Variants in SLC27A4 observed in about 807,000 individuals in gnomAD.
SLC27A4 encodes the protein long-chain fatty acid transport protein 4.
SLC27A4 carries 33 observed loss-of-function variants against 64.4 expected under a neutral mutation model. That is an observed-to-expected ratio of 0.51 (90% CI 0.39 to 0.68). The LOEUF (loss-of-function observed/expected upper bound fraction) is 0.68. SLC27A4 is among the 30% of genes least tolerant of loss of function. The probability of loss-of-function intolerance (pLI) is 0.00; values close to 1 mark genes in which losing one functional copy is unlikely to be tolerated. For synonymous variants in SLC27A4, 377 were observed against 370.0 expected (o/e 1.02, Z -0.22); for missense variants, 824 against 883.5 (o/e 0.93, Z 0.85).
Position 128,355,125 on chromosome 9 carries a change from A to G in SLC27A4, c.1397A>G (p.Gln466Arg). The change falls in exon 10 of 13, where the codon CAG (glutamine) becomes CGG (arginine). Residue 466 changes from glutamine to arginine, a missense_variant. Physicochemically the swap from Gln to Arg is conservative, Grantham distance 43. Coordinates refer to ENST00000300456, the MANE Select transcript of SLC27A4 (RefSeq NM_005094.4). ...PLRRFDGYLNQGANNKKIAKD... is the reference protein window; with the variant it reads ...PLRRFDGYLNRGANNKKIAKD... ...CGCCGCTTCGATGGCTACCTCAACC[A>G]GGGCGCCAACAACAAGAAGATTGCC... 6.2e-7 allele frequency: 1 copy of G among 1,613,684 alleles called. No homozygotes were observed. The highest frequency in any genetic ancestry group is 2.2e-5 in the East Asian group (1 of 44,870).
At chr9:128,344,431 A>C (rs896083005) in intron 2 of SLC27A4, among the ~76,000 whole-genome samples, 1 of 152,140 alleles carries the variant, frequency 6.6e-6, no homozygotes. Context: ...AGGTGGGAGC[A>C]TCATTTGAGC....
At chr9:128,343,872 G>A (rs933622884) in intron 2 of SLC27A4, among the ~76,000 whole-genome samples, 1 of 152,232 alleles carries the variant, frequency 6.6e-6, no homozygotes, top group Non-Finnish European at 1.5e-5. Flanking sequence ...GCTCAGATTG[G>A]TCAGGAGAAA....
intron 6 of SLC27A4, among the ~76,000 whole-genome samples, chr9:128,351,296 G>A (rs913847416): frequency 4.0e-5 from 6 of 148,254 alleles, no homozygotes; most frequent in Non-Finnish European, 8.9e-5. Flanking sequence ...GTCTGGTGGC[G>A]TGTGCCTGTA....
At position 128,353,103 on chromosome 9, in the gene SLC27A4, C is replaced by T. The variant is rs902732348; in HGVS notation, c.1066C>T (p.Arg356Cys). Reference protein sequence around the residue: ...PREAENQHQVRMALGNGLRQS... With the variant: ...PREAENQHQVCMALGNGLRQS... ...GGAGGCAGAAAACCAGCACCAGGTT[C>T]GCATGGCACTAGGCAATGGCCTCCG... is the stretch of plus-strand genomic sequence containing the variant. Residue 356 changes from arginine to cysteine, a missense_variant, in exon 8 of 13, where the codon CGC becomes TGC. Physicochemically the swap from Arg to Cys is radical, Grantham distance 180. Transcript: ENST00000300456. This position sits in a 1 kb window ranked among gnomAD's most constrained non-coding sequence, Gnocchi z 4.9. The T allele has an allele frequency of 6.2e-6, 10 of 1,614,062 alleles. No homozygotes were observed. The highest frequency in any genetic ancestry group is 2.2e-5 in the East Asian group (1 of 44,898).
chr9:128,355,984 C>T (rs1832815098), intron 12 of SLC27A4, among the ~76,000 whole-genome samples, 188 bp downstream of exon 12: 2 of 152,158 alleles, frequency 1.3e-5, no homozygotes. Flanking sequence ...TAGTAGAACA[C>T]ATATTAGGTG....
rs1229542605 is a variant in SLC27A4 at position 128,345,572 on chromosome 9, A to T, written c.556+23A>T. On this transcript the variant is annotated intron_variant, in intron 3 of 12. Coordinates refer to ENST00000300456, the MANE Select transcript of SLC27A4 (RefSeq NM_005094.4). The surrounding 1 kb of genome is among the most constrained non-coding windows in gnomAD (Gnocchi z 4.1). ...CAGGTGAGCCCCAAGGGGGCGGGGG[A>T]CAAGCAGGAACCCCATGGGATCTTA... 6.3e-7 allele frequency: 1 copy of T among 1,585,090 alleles called. No homozygotes were observed. The highest frequency in any genetic ancestry group is 1.1e-5 in the South Asian group (1 of 88,062).
chr9:128,343,289 A>G lies in SLC27A4; in HGVS notation c.157A>G (p.Ile53Val), dbSNP rs376918908. ...RVFIKTIRRD[I>V]FGGLVLLKVK... ...CTTCATCAAGACCATCAGGCGCGAT[A>G]TCTTGTGAGTACCTGGCCCAGCCTT... is the stretch of plus-strand genomic sequence containing the variant. Residue 53 changes from isoleucine to valine, a missense_variant, in exon 2 of 13, where the codon ATC becomes GTC. Ile to Val is a conservative substitution (Grantham distance 29). Coordinates refer to ENST00000300456, the MANE Select transcript of SLC27A4 (RefSeq NM_005094.4). The G allele has an allele frequency of 7.4e-6, 12 of 1,613,998 alleles. No individual in the cohort carries two copies. The highest frequency in any genetic ancestry group is 1.0e-5 in the Non-Finnish European group (12 of 1,180,028).
intron 9 of SLC27A4, among the ~76,000 whole-genome samples, chr9:128,354,656 A>G (rs760642780): frequency 1.8e-4 from 27 of 152,022 alleles, no homozygotes; most frequent in Non-Finnish European, 2.4e-4. Context: ...AGATCAAGAC[A>G]CAGAGTACAG....
chr9:128,357,908 C>G (rs536750245), intron 12 of SLC27A4, among the ~76,000 whole-genome samples: 3 of 152,270 alleles, frequency 2.0e-5, no homozygotes, highest in African/African-American at 7.2e-5. Flanking sequence ...TTTAGGACTT[C>G]AGTGTGGTTC....
At chr9:128,347,599 C>G (rs573429192) in intron 3 of SLC27A4, among the ~76,000 whole-genome samples, 1 of 151,464 alleles carries the variant, frequency 6.6e-6, no homozygotes, top group Non-Finnish European at 1.5e-5. Flanking sequence ...TGGTGGCACA[C>G]GCCTGTAATC....
Position 128,353,548 on chromosome 9 carries a change from C to T in SLC27A4, c.1324+7C>T. On this transcript the variant is annotated splice_region_variant and intron_variant, in intron 9 of 12. Transcript: ENST00000300456. This position sits in a 1 kb window ranked among gnomAD's most constrained non-coding sequence, Gnocchi z 4.9. ...TGCATTCCCTGCCAGCCAGGTCTGC[C>T]ACTTCGGGGTCAGAGAGGGAGGGGT... 6.2e-7 allele frequency: 1 copy of T among 1,613,700 alleles called. No homozygotes were observed. The highest frequency in any genetic ancestry group is 2.2e-5 in the East Asian group (1 of 44,862).
chr9:128,342,484 A>C, intron 1 of SLC27A4: 2 of 1,336,802 alleles, frequency 1.5e-6, no homozygotes, highest in Non-Finnish European at 2.1e-6. Flanking sequence ...TTAAATGACT[A>C]TGCTGCCCCT....
At chr9:128,342,193 T>G in intron 1 of SLC27A4, 2 of 1,550,002 alleles carry the variant, frequency 1.3e-6, no homozygotes, top group Non-Finnish European at 8.9e-7. Flanking sequence ...CAGACTTCGC[T>G]CGTTCTCGCA....
chr9:128,358,272 T>G (rs959895948), intron 12 of SLC27A4, among the ~76,000 whole-genome samples: 1 of 152,328 alleles, frequency 6.6e-6, no homozygotes, highest in Admixed American at 6.5e-5. Flanking sequence ...TCTGCAGCAC[T>G]GTCCAACAGA....
chr9:128,346,632 G>T (rs1832661321), intron 3 of SLC27A4, among the ~76,000 whole-genome samples: 2 of 152,152 alleles, frequency 1.3e-5, no homozygotes, highest in East Asian at 3.9e-4. Flanking sequence ...AGACTAAGAG[G>T]TTGAGGCTGC....
At chr9:128,355,873 T>A in intron 12 of SLC27A4, 77 bp downstream of exon 12, 2 of 1,589,788 alleles carry the variant, frequency 1.3e-6, no homozygotes, top group Non-Finnish European at 1.7e-6. Flanking sequence ...GGTTGGCTGT[T>A]ACTTGACCTC....
intron 3 of SLC27A4, 152 bp from the exon 4 acceptor site, chr9:128,348,393 G>A: frequency 1.1e-6 from 1 of 874,656 alleles, no homozygotes; most frequent in Non-Finnish European, 1.9e-6. Context: ...CATTGCCGGT[G>A]CCCCTGTCAA....
intron 12 of SLC27A4, among the ~76,000 whole-genome samples, chr9:128,358,907 T>C (rs1269504436): frequency 6.6e-6 from 1 of 152,234 alleles, no homozygotes; most frequent in African/African-American, 2.4e-5. Flanking sequence ...AGGTGGAAGA[T>C]GCAAGGTCCC....
At chr9:128,342,146 C>T (rs908907500) in intron 1 of SLC27A4, 33 of 998,174 alleles carry the variant, frequency 3.3e-5, no homozygotes, top group South Asian at 7.8e-5. Flanking sequence ...TCTTAGAACA[C>T]GTCTCAGGAC....
Sources: gnomAD v4.1 joint callset for allele counts (sites outside exome capture counted in the v4.1 genomes callset) on GRCh38, gnomAD v4.1.1 for gene constraint, Gnocchi (gnomAD v3.1) non-coding constraint, MANE v1.5 for transcripts, NCBI Gene and HGNC (gene_info 2026-07-23, HGNC 2026-07-21) for gene names.